PCCA: variants seen among roughly 807,000 people sequenced by gnomAD.
PCCA encodes the protein propionyl-CoA carboxylase alpha chain, mitochondrial.
A neutral mutation model predicts 101.3 loss-of-function variants in PCCA; 74 were observed. The ratio of observed to expected loss-of-function variants is 0.73; its 90% CI spans 0.61 to 0.89. PCCA has a LOEUF of 0.89. Among genes scored for constraint, PCCA ranks in the 40% least tolerant of loss-of-function variants. The pLI is 0.00. For synonymous variants in PCCA, 294 were observed against 313.6 expected, an observed-to-expected ratio of 0.94 and a Z score of 0.66; for missense variants, 891 against 907.0, an observed-to-expected ratio of 0.98 and a Z score of 0.23.
chr13:100,496,704 G>A (rs1031693494), intron 21 of PCCA, among the ~76,000 whole-genome samples: 1 of 152,144 alleles, frequency 6.6e-6, no homozygotes, highest in East Asian at 1.9e-4. Flanking sequence ...GCATAATATG[G>A]TGAGTGTTAA....
intron 5 of PCCA, among the ~76,000 whole-genome samples, chr13:100,156,904 C>T (rs1009141179): frequency 3.9e-5 from 6 of 152,148 alleles, no homozygotes; most frequent in African/African-American, 1.4e-4. Flanking sequence ...ATGCACCAGC[C>T]ATTGTGAAAT....
intron 17 of PCCA, 42 bp downstream of exon 17, chr13:100,330,713 T>A: frequency 8.8e-7 from 1 of 1,138,720 alleles, no homozygotes; most frequent in Non-Finnish European, 1.3e-6. Flanking sequence ...AAAGTTGTTA[T>A]TTTTATACTT....
intron 6 of PCCA, among the ~76,000 whole-genome samples, chr13:100,188,325 A>AAAACAAAACAAAAC (rs1555371932): frequency 1.3e-5 from 2 of 148,528 alleles, no homozygotes; most frequent in Non-Finnish European, 2.9e-5. Context: ...AAAACAAAAC[A>AAAACAAAACAAAAC]AAAACACAAA....
At chr13:100,519,837 C>T (rs967132523) in intron 22 of PCCA, among the ~76,000 whole-genome samples, 3 of 152,260 alleles carry the variant, frequency 2.0e-5, no homozygotes, top group Non-Finnish European at 4.4e-5. Context: ...TGCCTGGCAT[C>T]GCGCTTGTGT....
intron 6 of PCCA, among the ~76,000 whole-genome samples, chr13:100,158,794 A>G (rs1369527715): frequency 2.6e-5 from 4 of 152,066 alleles, no homozygotes; most frequent in African/African-American, 9.7e-5. Flanking sequence ...TCTTTCATTT[A>G]TGCATTGTCT....
chr13:100,334,330 G>C (rs2152741665), intron 17 of PCCA, among the ~76,000 whole-genome samples: 1 of 152,260 alleles, frequency 6.6e-6, no homozygotes, highest in East Asian at 1.9e-4. Flanking sequence ...GAAATTGGTT[G>C]TACCCTGCGG....
chr13:100,528,819 A>G lies in PCCA; in HGVS notation c.2118+1067A>G, dbSNP rs532904506. On this transcript the variant is annotated intron_variant, in intron 23 of 23. Coordinates refer to ENST00000376285, the MANE Select transcript of PCCA (RefSeq NM_000282.4). ...TGGTTTCTGTTCATGTAAAAATTTT[A>G]TCTGTTCTTTGGGATTTAACATTTG... Among the ~76,000 whole-genome samples, 7 of 152,310 alleles carry G rather than the reference A, an allele frequency of 4.6e-5. No homozygotes were observed. In the South Asian group the frequency reaches 1.4e-3, roughly 32 times the overall value.
chr13:100,096,931 G>A (rs116969835), intron 1 of PCCA, among the ~76,000 whole-genome samples: 2,985 of 152,320 alleles, frequency 0.02, 48 homozygotes, highest in Middle Eastern at 0.031. Flanking sequence ...GTTCACACCT[G>A]TAATCCCAGT....
At chr13:100,239,873 C>G (rs989133010) in intron 8 of PCCA, among the ~76,000 whole-genome samples, 1 of 152,004 alleles carries the variant, frequency 6.6e-6, no homozygotes, top group Non-Finnish European at 1.5e-5. Flanking sequence ...TACTACAAAC[C>G]TACTTCTCCC....
chr13:100,262,752 A>C lies in PCCA; in HGVS notation c.740A>C (p.Gln247Pro), dbSNP rs1379817242. The C allele has an allele frequency of 5.7e-6, 9 of 1,582,136 alleles. No individual in the cohort carries two copies. Among genetic ancestry groups the C allele is most frequent in the Non-Finnish European group, 7.8e-6 (9 of 1,157,788 alleles). Residue 247 changes from glutamine to proline, a missense_variant, in exon 10 of 24, where the codon CAA becomes CCA. Physicochemically the swap from Gln to Pro is moderately conservative, Grantham distance 76 (BLOSUM62 -1). Transcript: ENST00000376285. ...AGGGATGGTTTTAGATTGTCATCTC[A>C]AGAAGCTGCTTCTAGTTTTGGCGAT... Reference protein sequence around the residue: ...ETRDGFRLSSQEAASSFGDDR... With the variant: ...ETRDGFRLSSPEAASSFGDDR...
chr13:100,177,729 C>G (rs2056370287), intron 6 of PCCA, among the ~76,000 whole-genome samples: 2 of 152,114 alleles, frequency 1.3e-5, no homozygotes, highest in African/African-American at 4.8e-5. Context: ...TCATCACCTT[C>G]AAGTAGTCCA....
intron 6 of PCCA, among the ~76,000 whole-genome samples, chr13:100,201,035 A>G (rs1193514407): frequency 6.6e-6 from 1 of 152,172 alleles, no homozygotes; most frequent in East Asian, 1.9e-4. Context: ...GTCCTGTGCT[A>G]TACACAGAGC....
intron 18 of PCCA, among the ~76,000 whole-genome samples, chr13:100,367,645 G>T (rs866587343): frequency 0.037 from 4,645 of 125,496 alleles, 176 homozygotes; most frequent in African/African-American, 0.12. Flanking sequence ...TTTTTTTTTT[G>T]TTTTTTTTTT....
rs1036717970 is a variant in PCCA at position 100,436,743 on chromosome 13, G to A, written c.1845+11012G>A. 2.0e-5 allele frequency among the ~76,000 whole-genome samples: 3 copies of A among 152,100 alleles called. No homozygotes were observed. In the South Asian group the frequency reaches 6.2e-4, roughly 32 times the overall value. ...CCCACTGCCCTGCTGACTTCTCGGC[G>A]CATATAAATGCTCAATAATTGGATG... On this transcript the variant is annotated intron_variant, in intron 20 of 23. Coordinates refer to ENST00000376285, the MANE Select transcript of PCCA (RefSeq NM_000282.4).
At position 100,361,460 on chromosome 13, in the gene PCCA, A is replaced by T. The variant is rs200147941; in HGVS notation, c.1644-7012A>T. ...AAATAATGTCTTTTTTTTTTTTTTT[A>T]AATCTGCTGAAGGAAAGACATTGTT... On this transcript the variant is annotated intron_variant, in intron 18 of 23. Coordinates refer to ENST00000376285, the MANE Select transcript of PCCA (RefSeq NM_000282.4). 1.6e-4 allele frequency among the ~76,000 whole-genome samples: 24 copies of T among 145,764 alleles called. No individual in the cohort carries two copies. The East Asian group carries it at 4.0e-3, about 24-fold the overall frequency.
intron 22 of PCCA, 83 bp downstream of exon 22, chr13:100,515,650 T>C (rs2086782236): frequency 6.5e-7 from 1 of 1,535,584 alleles, no homozygotes; most frequent in Non-Finnish European, 8.9e-7. Context: ...CACAGCACGA[T>C]TCGGCTCTTT....
intron 20 of PCCA, among the ~76,000 whole-genome samples, chr13:100,440,152 T>TA (rs2080235754): frequency 1.7e-5 from 2 of 119,194 alleles, no homozygotes; most frequent in Non-Finnish European, 3.5e-5. Flanking sequence ...ACTAGAGTAT[T>TA]AAATTATATA....
chr13:100,207,089 G>T (rs1451398536), intron 6 of PCCA, among the ~76,000 whole-genome samples: 1 of 152,062 alleles, frequency 6.6e-6, no homozygotes, highest in Non-Finnish European at 1.5e-5. Flanking sequence ...GTGTATGCTT[G>T]TTTTTTTGGT....
chr13:100,524,374 CGTGTGTGTGT>C lies in PCCA; in HGVS notation c.2041-3272_2041-3263del, dbSNP rs1210676697. The stretch of plus-strand genomic sequence containing the variant: ...AAACATGTTGAAATTCAATTAAGCT[CGTGTGTGTGT>C]GTGTGTGTGTGTGTGTGTGTGTGTG... On this transcript the variant is annotated intron_variant, in intron 22 of 23. Transcript: ENST00000376285. Among the ~76,000 whole-genome samples the C allele has an allele frequency of 3.3e-3, 456 of 139,172 alleles. 1 individual carries two copies. The highest frequency in any genetic ancestry group is 0.027 in the Middle Eastern group (7 of 264). The allele number at this position is 139,172 out of a possible 152,430, so 91.3% of individuals were successfully genotyped here.
Sources: gnomAD v4.1 joint callset for allele counts (sites outside exome capture counted in the v4.1 genomes callset) on GRCh38, gnomAD v4.1.1 for gene constraint, MANE v1.5 for transcripts, NCBI Gene and HGNC (gene_info 2026-07-23, HGNC 2026-07-21) for gene names.